IGSF21: variants seen among roughly 807,000 people sequenced by gnomAD.
The protein encoded by IGSF21 is immunoglobin superfamily member 21.
A neutral mutation model predicts 46.8 loss-of-function variants in IGSF21; 28 were observed. The ratio of observed to expected loss-of-function variants is 0.60; its 90% CI spans 0.44 to 0.82. IGSF21 has a LOEUF of 0.82. Ranked by LOEUF, IGSF21 falls within the 40% of genes least tolerant of loss-of-function variation. IGSF21 has a pLI of 0.00. For missense variants in IGSF21, 624 were observed against 665.5 expected (o/e 0.94, Z 0.69); for synonymous variants, 284 against 273.6 (o/e 1.04, Z -0.38).
chr1:18,323,030 C>T (rs546031986), intron 3 of IGSF21, among the ~76,000 whole-genome samples: 1 of 152,246 alleles, frequency 6.6e-6, no homozygotes, highest in East Asian at 1.9e-4. Flanking sequence ...GACCAGCGAC[C>T]CCATATCTGT....
chr1:18,336,709 T>G (rs140162081), intron 4 of IGSF21, among the ~76,000 whole-genome samples: 1 of 152,330 alleles, frequency 6.6e-6, no homozygotes, highest in Non-Finnish European at 1.5e-5. Flanking sequence ...CAGGTTATTC[T>G]CCTACTGTGG....
intron 3 of IGSF21, among the ~76,000 whole-genome samples, chr1:18,320,256 C>A (rs1448046006): frequency 1.3e-5 from 2 of 152,174 alleles, no homozygotes; most frequent in Non-Finnish European, 2.9e-5. Flanking sequence ...GAGAAGCTGG[C>A]TGGCTCCTCT....
intron 2 of IGSF21, among the ~76,000 whole-genome samples, chr1:18,254,020 G>T (rs1041262331): frequency 6.6e-6 from 1 of 152,172 alleles, no homozygotes; most frequent in Non-Finnish European, 1.5e-5. Context: ...CAGGAACTGC[G>T]CTAAGCATTT....
intron 1 of IGSF21, among the ~76,000 whole-genome samples, chr1:18,156,383 C>T (rs1251348554): frequency 6.6e-6 from 1 of 152,216 alleles, no homozygotes; most frequent in East Asian, 1.9e-4. Flanking sequence ...TGCGTCTCCT[C>T]CTCTTCTCTC....
At chr1:18,155,266 T>G (rs994983498) in intron 1 of IGSF21, among the ~76,000 whole-genome samples, 4 of 152,112 alleles carry the variant, frequency 2.6e-5, no homozygotes, top group Admixed American at 6.5e-5. Flanking sequence ...GGATGGGACA[T>G]AGAGAGAGCC....
rs1462563160 is a variant in IGSF21, at chr1:18,362,215, A to G, written c.525A>G (p.Gly175=). The G allele has an allele frequency of 1.2e-5, 20 of 1,611,972 alleles. No individual in the cohort carries two copies. Among genetic ancestry groups the G allele is most frequent in the Non-Finnish European group, 1.7e-5 (20 of 1,179,038 alleles). Residue 175 remains glycine (G), a synonymous_variant, in exon 5 of 10, where the codon GGA becomes GGG. Transcript: ENST00000251296. ...NFTLVCIVSG[G]KPAPMVYFKR... is the part of the protein sequence containing the mutation. ...CGCTGGTCTGCATCGTGTCTGGAGGAAAACCAGCACCCATGGTGAGTACCC... is the reference window on the plus strand; with the variant it reads ...CGCTGGTCTGCATCGTGTCTGGAGGGAAACCAGCACCCATGGTGAGTACCC...
rs10686337 is a variant in IGSF21, at chr1:18,108,985, A to AGTGTGTGTGTGTGTGTGTGTGTGTGT, written c.70+792_70+817dup. Among the ~76,000 whole-genome samples, 351 of 127,864 alleles carry AGTGTGTGTGTGTGTGTGTGTGTGTGT rather than the reference A, an allele frequency of 2.7e-3. 3 individuals carry two copies. The highest frequency in any genetic ancestry group is 0.016 in the Middle Eastern group (4 of 248). 83.9% of individuals were successfully genotyped at this position (127,864 alleles called of 152,430 possible). ...GGGGCTGGGGAGTTGTGAGCAGCTC[A>AGTGTGTGTGTGTGTGTGTGTGTGTGT]GTGTGTGTGTGTGTGTGTGTGTGTG... On this transcript the variant is annotated intron_variant, in intron 1 of 9. Coordinates refer to ENST00000251296, the MANE Select transcript of IGSF21 (RefSeq NM_032880.5).
intron 3 of IGSF21, among the ~76,000 whole-genome samples, chr1:18,302,528 T>C (rs144181778): frequency 1.3e-5 from 2 of 152,320 alleles, no homozygotes; most frequent in African/African-American, 2.4e-5. Flanking sequence ...TTTAGAATGA[T>C]ATTCTTCTCT....
chr1:18,175,144 T>A (rs1221744874), intron 1 of IGSF21, among the ~76,000 whole-genome samples: 2 of 152,228 alleles, frequency 1.3e-5, no homozygotes, highest in Non-Finnish European at 2.9e-5. Context: ...TATCTGGAGT[T>A]TGAGTAAAAC....
intron 1 of IGSF21, among the ~76,000 whole-genome samples, chr1:18,185,657 C>G (rs2086896528): frequency 6.6e-6 from 1 of 152,216 alleles, no homozygotes; most frequent in Non-Finnish European, 1.5e-5. Flanking sequence ...AATCCCAGCT[C>G]TGCCTCTTAC....
chr1:18,131,926 G>A (rs1205739277), intron 1 of IGSF21, among the ~76,000 whole-genome samples: 2 of 152,126 alleles, frequency 1.3e-5, no homozygotes, highest in Non-Finnish European at 1.5e-5. Flanking sequence ...GGGGGTTGAG[G>A]GGTGGTTTGC....
rs183924357 is a variant in IGSF21 at position 18,240,814 on chromosome 1, A to G, written c.183+12804A>G. ...CCTGTCAAAACTGCAGTAGGAAGTA[A>G]TCCTGGGCCCAGTGCACCCAGAGCT... On this transcript the variant is annotated intron_variant, in intron 2 of 9. Transcript: ENST00000251296. 1.5e-4 allele frequency among the ~76,000 whole-genome samples: 23 copies of G among 152,332 alleles called. No homozygotes were observed. In the East Asian group the frequency reaches 4.4e-3, roughly 29 times the overall value.
intron 2 of IGSF21, among the ~76,000 whole-genome samples, chr1:18,242,352 C>T (rs2084740256): frequency 6.6e-6 from 1 of 152,166 alleles, no homozygotes; most frequent in Non-Finnish European, 1.5e-5. Flanking sequence ...CAAAACCGTC[C>T]ACGGCTGAGG....
At chr1:18,152,989 A>T (rs566196093) in intron 1 of IGSF21, among the ~76,000 whole-genome samples, 2 of 152,312 alleles carry the variant, frequency 1.3e-5, no homozygotes, top group South Asian at 2.1e-4. Flanking sequence ...GCTTCTGCCC[A>T]TAGCTATGAT....
At chr1:18,270,467 G>A (rs997744204) in intron 2 of IGSF21, among the ~76,000 whole-genome samples, 1 of 152,180 alleles carries the variant, frequency 6.6e-6, no homozygotes, top group African/African-American at 2.4e-5. Context: ...GGGCAGCCTC[G>A]GGCAAGAGGG....
chr1:18,224,603 T>C (rs1229932643), intron 1 of IGSF21, among the ~76,000 whole-genome samples: 1 of 152,202 alleles, frequency 6.6e-6, no homozygotes, highest in African/African-American at 2.4e-5. Flanking sequence ...TATGTCCCCA[T>C]TGCCTACAAC....
chr1:18,325,768 G>T (rs1019011402), intron 3 of IGSF21, among the ~76,000 whole-genome samples: 1 of 152,162 alleles, frequency 6.6e-6, no homozygotes, highest in Non-Finnish European at 1.5e-5. Context: ...TGTTTTCCCA[G>T]GTCTGCCAGC....
At chr1:18,283,337 G>A (rs959201344) in intron 2 of IGSF21, among the ~76,000 whole-genome samples, 1 of 152,238 alleles carries the variant, frequency 6.6e-6, no homozygotes, top group Non-Finnish European at 1.5e-5. Context: ...GCCCAGAGAG[G>A]TGAGTGGCAC....
In IGSF21 at chr1:18,237,129, A is replaced by G. The variant is rs374729543; in HGVS notation, c.183+9119A>G. Among the ~76,000 whole-genome samples the G allele has an allele frequency of 5.6e-4, 86 of 152,340 alleles. No individual in the cohort carries two copies. The South Asian group carries it at 0.017, about 30-fold the overall frequency. On this transcript the variant is annotated intron_variant, in intron 2 of 9. Transcript: ENST00000251296. ...TTTTCCTACCATCCTTAGCCTTTCA[A>G]TCTGGGACTGGTGGCAGCCTCGCTC...
Sources: gnomAD v4.1 joint callset for allele counts (sites outside exome capture counted in the v4.1 genomes callset) on GRCh38, gnomAD v4.1.1 for gene constraint, MANE v1.5 for transcripts, NCBI Gene and HGNC (gene_info 2026-07-23, HGNC 2026-07-21) for gene names.